The following WDR43 variants were observed in gnomAD, a reference collection of about 807,000 sequenced individuals.
WDR43 encodes WD repeat domain 43.
WDR43 carries 13 observed loss-of-function variants against 91.4 expected under a neutral mutation model. The observed-to-expected ratio is 0.14, with a 90% CI of 0.09 to 0.23. The LOEUF is 0.23. Among genes scored for constraint, WDR43 ranks in the 10% least tolerant of loss-of-function variants. WDR43 has a pLI of 1.00. For missense variants in WDR43, 780 were observed against 809.4 expected (o/e 0.96, Z 0.44); for synonymous variants, 331 against 287.9 (o/e 1.15, Z -1.51).
At chr2:28,919,311 A>G (rs182099348) in intron 6 of WDR43, among the ~76,000 whole-genome samples, 2 of 152,096 alleles carry the variant, frequency 1.3e-5, no homozygotes, top group East Asian at 3.9e-4. Flanking sequence ...TTGGCTTTCT[A>G]ATATGAAATG....
chr2:28,914,663 G>C lies in WDR43; in HGVS notation c.746+455G>C, dbSNP rs373784839. Among the ~76,000 whole-genome samples, 247 of 152,282 alleles carry C rather than the reference G, an allele frequency of 1.6e-3. 1 individual carries two copies. The highest frequency in any genetic ancestry group is 2.7e-3 in the Non-Finnish European group (184 of 68,022). Reference sequence around the variant, plus strand: ...AGTAAAAATCAGGCCGGGTGCCGTGGCTCATGCCTGTCATCCCAGCACTTT... The same window carrying C: ...AGTAAAAATCAGGCCGGGTGCCGTGCCTCATGCCTGTCATCCCAGCACTTT... On this transcript the variant is annotated intron_variant, in intron 5 of 17. Transcript: ENST00000407426.
At chr2:28,929,445 T>A (rs1382900207) in intron 10 of WDR43, 134 bp from the exon 11 acceptor site, 1 of 772,710 alleles carries the variant, frequency 1.3e-6, no homozygotes, top group East Asian at 3.3e-5. Flanking sequence ...TCTCTTGGAA[T>A]AAGAATGAGC....
In WDR43 at chr2:28,913,243, C is replaced by T. The variant is rs567093510; in HGVS notation, c.606+533C>T. The stretch of plus-strand genomic sequence containing the variant: ...TGTTGGGATTACAGGCGTGAGCCAC[C>T]GCGCCCAGCCGAAACAAGGTTTTTT... On this transcript the variant is annotated intron_variant, in intron 4 of 17. Transcript: ENST00000407426. Among the ~76,000 whole-genome samples, 36 of 152,170 alleles carry T rather than the reference C, an allele frequency of 2.4e-4. 1 individual carries two copies. The East Asian group carries it at 6.0e-3, about 25-fold the overall frequency.
intron 1 of WDR43, 45 bp downstream of exon 1, chr2:28,894,968 G>C (rs759267919): frequency 9.6e-5 from 141 of 1,468,304 alleles, no homozygotes; most frequent in Non-Finnish European, 1.2e-4. Flanking sequence ...TCCCGGGCTC[G>C]GCTTCGGGCC....
At position 28,944,259 on chromosome 2, in the gene WDR43, G is replaced by A. The variant is rs1304316505; in HGVS notation, c.1804+1878G>A. Among the ~76,000 whole-genome samples the A allele has an allele frequency of 9.4e-5, 13 of 138,144 alleles. 1 individual carries two copies. Among genetic ancestry groups the A allele is most frequent in the Admixed American group, 9.2e-4 (12 of 13,102 alleles). The allele number at this position is 138,144 out of a possible 152,430, so 90.6% of individuals were successfully genotyped here. A position where few individuals can be genotyped will look rare whatever the true frequency, so the allele number is the denominator to read the frequency against. ...TTTCAATTTTAGTGTATGTGCTGCC[G>A]AAGAGAGCACAGAAATACTGTTTTT... On this transcript the variant is annotated intron_variant, in intron 16 of 17. Transcript: ENST00000407426.
chr2:28,930,385 A>G (rs1671217603), intron 11 of WDR43, among the ~76,000 whole-genome samples: 2 of 152,224 alleles, frequency 1.3e-5, no homozygotes, highest in African/African-American at 4.8e-5. Context: ...ATCAGATTAA[A>G]GCAGTTTACA....
At chr2:28,931,541 A>G (rs1457649334) in intron 11 of WDR43, among the ~76,000 whole-genome samples, 2 of 152,186 alleles carry the variant, frequency 1.3e-5, no homozygotes, top group East Asian at 3.8e-4. Context: ...CTGTGGTATC[A>G]TTTAACACAT....
intron 1 of WDR43, among the ~76,000 whole-genome samples, chr2:28,900,425 A>T (rs1353641451): frequency 6.6e-6 from 1 of 152,022 alleles, no homozygotes; most frequent in Non-Finnish European, 1.5e-5. Context: ...CTCGTGATCC[A>T]CCTGCCTCAG....
chr2:28,933,521 A>G (rs973344497), intron 11 of WDR43, among the ~76,000 whole-genome samples: 2 of 152,248 alleles, frequency 1.3e-5, no homozygotes, highest in Non-Finnish European at 2.9e-5. Flanking sequence ...TAAAGAAAAA[A>G]TTGGTCATTT....
intron 1 of WDR43, among the ~76,000 whole-genome samples, chr2:28,901,647 G>T (rs999454957): frequency 6.6e-6 from 1 of 152,156 alleles, no homozygotes; most frequent in East Asian, 1.9e-4. Context: ...TGAAGGCTTC[G>T]CTTAGGTTGG....
intron 11 of WDR43, among the ~76,000 whole-genome samples, chr2:28,930,751 T>C (rs1671223050): frequency 6.6e-6 from 1 of 152,224 alleles, no homozygotes; most frequent in Non-Finnish European, 1.5e-5. Context: ...ATTTTTTCTT[T>C]TTCTTATTAA....
In WDR43 at chr2:28,902,131, G is replaced by A. The variant is rs547192128; in HGVS notation, c.363+7G>A. The A allele has an allele frequency of 7.2e-5, 112 of 1,545,080 alleles. No homozygotes were observed. The East Asian group carries it at 2.2e-3, about 31-fold the overall frequency. On this transcript the variant is annotated splice_region_variant and intron_variant, in intron 2 of 17. Transcript: ENST00000407426. Reference sequence around the variant, plus strand: ...GTTACACAGTAAATTAATAGTAAGTGTGTGTATATTTTATTTAAAAGTGAT... The same window carrying A: ...GTTACACAGTAAATTAATAGTAAGTATGTGTATATTTTATTTAAAAGTGAT...
At chr2:28,909,417 G>A (rs984798079) in intron 3 of WDR43, among the ~76,000 whole-genome samples, 1 of 152,160 alleles carries the variant, frequency 6.6e-6, no homozygotes, top group African/African-American at 2.4e-5. Context: ...ACAGGTGTGA[G>A]CTACCATGCC....
At chr2:28,912,826 A>G in intron 4 of WDR43, 116 bp downstream of exon 4, 1 of 1,374,634 alleles carries the variant, frequency 7.3e-7, no homozygotes, top group Non-Finnish European at 9.7e-7. Flanking sequence ...TGTCAGGTAC[A>G]TCAAATAGTT....
intron 1 of WDR43, chr2:28,895,253 T>C (rs1201921719): frequency 7.9e-6 from 2 of 253,218 alleles, no homozygotes; most frequent in Non-Finnish European, 1.5e-5. Flanking sequence ...CTGCCGGGCC[T>C]TGGCTCATCA....
intron 16 of WDR43, among the ~76,000 whole-genome samples, chr2:28,944,788 G>A (rs1176345649): frequency 6.6e-6 from 1 of 152,238 alleles, no homozygotes; most frequent in Non-Finnish European, 1.5e-5. Flanking sequence ...TAACTGAGGT[G>A]GCTACTAAAC....
At chr2:28,935,937 A>G (rs896227484) in intron 12 of WDR43, among the ~76,000 whole-genome samples, 3 of 152,206 alleles carry the variant, frequency 2.0e-5, no homozygotes, top group East Asian at 1.9e-4. Flanking sequence ...TAAACACCCC[A>G]AACATAAAGC....
chr2:28,908,612 T>C (rs1670729915), intron 3 of WDR43, among the ~76,000 whole-genome samples: 1 of 151,846 alleles, frequency 6.6e-6, no homozygotes, highest in Non-Finnish European at 1.5e-5. Context: ...AGGTGAACTT[T>C]AGCCCCACTT....
chr2:28,937,109 C>T (rs149126806), intron 13 of WDR43, among the ~76,000 whole-genome samples, 156 bp downstream of exon 13: 47 of 152,206 alleles, frequency 3.1e-4, no homozygotes, highest in African/African-American at 1.0e-3. Context: ...TTATTCTTAG[C>T]GTTTTATTAT....
Sources: gnomAD v4.1 joint callset for allele counts (sites outside exome capture counted in the v4.1 genomes callset) on GRCh38, gnomAD v4.1.1 for gene constraint, MANE v1.5 for transcripts, NCBI Gene and HGNC (gene_info 2026-07-23, HGNC 2026-07-21) for gene names.